The following CACNB2 variants were observed in gnomAD, a reference collection of about 807,000 sequenced individuals.
CACNB2 encodes calcium voltage-gated channel auxiliary subunit beta 2, also known as voltage-dependent L-type calcium channel subunit beta-2.
A neutral mutation model predicts 73.3 loss-of-function variants in CACNB2; 42 were observed. The observed-to-expected ratio is 0.57, with a 90% confidence interval of 0.45 to 0.74. The LOEUF (loss-of-function observed/expected upper bound fraction) is 0.74, where lower values mean the gene tolerates loss of function less well. Among genes scored for constraint, CACNB2 ranks in the 30% least tolerant of loss-of-function variants. The pLI, the probability that CACNB2 is intolerant of heterozygous loss-of-function variation, is 0.00. For synonymous variants in CACNB2, 348 were observed against 310.3 expected (o/e 1.12, Z -1.28); for missense variants, 940 against 853.0 (o/e 1.10, Z -1.27).
intron 3 of CACNB2, among the ~76,000 whole-genome samples, chr10:18,463,244 C>A (rs2047677997): frequency 6.6e-6 from 1 of 152,106 alleles, no homozygotes; most frequent in South Asian, 2.1e-4. Flanking sequence ...CTGTTCTTGG[C>A]CAGGCATGGT....
chr10:18,452,209 T>C (rs1428511191), intron 3 of CACNB2, among the ~76,000 whole-genome samples: 2 of 152,142 alleles, frequency 1.3e-5, no homozygotes, highest in Non-Finnish European at 2.9e-5. Context: ...GATTGCTTGA[T>C]GACAGATGCT....
chr10:18,346,687 C>A (rs775254916), intron 2 of CACNB2, among the ~76,000 whole-genome samples: 1 of 152,038 alleles, frequency 6.6e-6, no homozygotes, highest in Non-Finnish European at 1.5e-5. Context: ...ACCTCCGCCT[C>A]CCAGGCTCAA....
At chr10:18,325,031 A>AT (rs778287155) in intron 2 of CACNB2, among the ~76,000 whole-genome samples, 5 of 152,218 alleles carry the variant, frequency 3.3e-5, no homozygotes, top group Admixed American at 3.3e-4. Context: ...CTGCTCTGCT[A>AT]TTATTCTGCT....
intron 10 of CACNB2, among the ~76,000 whole-genome samples, chr10:18,529,401 T>C (rs2052777988): frequency 6.6e-6 from 1 of 152,094 alleles, no homozygotes; most frequent in African/African-American, 2.4e-5. Flanking sequence ...GGTGTAGCCA[T>C]AAGGCGAATC....
intron 3 of CACNB2, among the ~76,000 whole-genome samples, chr10:18,443,389 G>A (rs2046572682): frequency 6.6e-6 from 1 of 152,018 alleles, no homozygotes; most frequent in South Asian, 2.1e-4. Context: ...CTTCTGACAA[G>A]CAGGGGACTT....
intron 2 of CACNB2, among the ~76,000 whole-genome samples, chr10:18,243,513 G>A (rs2036741961): frequency 6.6e-6 from 1 of 152,186 alleles, no homozygotes; most frequent in Non-Finnish European, 1.5e-5. Flanking sequence ...CAAAACTCAT[G>A]TTGAAATTTG....
At chr10:18,414,505 T>G (rs78716950) in intron 3 of CACNB2, among the ~76,000 whole-genome samples, 1 of 142,526 alleles carries the variant, frequency 7.0e-6, no homozygotes, top group Admixed American at 7.0e-5. Flanking sequence ...TTTTTTTTTT[T>G]GGAGACAGAA....
chr10:18,406,823 G>A (rs937092758), intron 3 of CACNB2, among the ~76,000 whole-genome samples: 1 of 152,162 alleles, frequency 6.6e-6, no homozygotes, highest in South Asian at 2.1e-4. Context: ...TGCTGCCTTA[G>A]AGGATGGACA....
At chr10:18,496,549 A>G (rs1419565986) in intron 3 of CACNB2, among the ~76,000 whole-genome samples, 1 of 152,202 alleles carries the variant, frequency 6.6e-6, no homozygotes, top group Non-Finnish European at 1.5e-5. Context: ...GCGGTGGCTC[A>G]TGCCTATAAT....
intron 3 of CACNB2, among the ~76,000 whole-genome samples, chr10:18,456,339 T>C (rs1370917046): frequency 6.6e-6 from 1 of 152,116 alleles, no homozygotes; most frequent in East Asian, 1.9e-4. Context: ...GGTACACACC[T>C]GTAATCCCAG....
intron 2 of CACNB2, among the ~76,000 whole-genome samples, chr10:18,249,432 T>C (rs1199429600): frequency 6.6e-6 from 1 of 152,240 alleles, no homozygotes; most frequent in Non-Finnish European, 1.5e-5. Flanking sequence ...GCAGCTTTGT[T>C]TTCATTTTTC....
chr10:18,260,760 G>T, intron 2 of CACNB2: 2 of 1,000,024 alleles, frequency 2.0e-6, no homozygotes, highest in Non-Finnish European at 2.4e-6. Flanking sequence ...GCAGCCGCGG[G>T]AGCAGGAACA....
intron 2 of CACNB2, among the ~76,000 whole-genome samples, chr10:18,162,955 T>C (rs11598236): frequency 0.069 from 10,437 of 152,124 alleles, 468 homozygotes; most frequent in South Asian, 0.12. Context: ...TCTGGGTTCA[T>C]GGAGAAATGG....
At chr10:18,272,759 G>T (rs1588904417) in intron 2 of CACNB2, among the ~76,000 whole-genome samples, 1 of 152,230 alleles carries the variant, frequency 6.6e-6, no homozygotes, top group Non-Finnish European at 1.5e-5. Context: ...GCCGTTGATT[G>T]TGAGGCCTCC....
intron 2 of CACNB2, among the ~76,000 whole-genome samples, chr10:18,220,223 A>AGAGGGGGGGG (rs2035709862): frequency 1.9e-5 from 1 of 53,558 alleles, no homozygotes; most frequent in African/African-American, 1.4e-4. Context: ...ATATATATAT[A>AGAGGGGGGGG]TATATATATA....
chr10:18,523,613 G>T (rs1226877213), intron 9 of CACNB2, among the ~76,000 whole-genome samples: 1 of 152,146 alleles, frequency 6.6e-6, no homozygotes, highest in Admixed American at 6.5e-5. Flanking sequence ...AGGAAGAAAC[G>T]AGTCCATAAG....
At chr10:18,234,160 C>T (rs1194392352) in intron 2 of CACNB2, 1 of 152,358 alleles carries the variant, frequency 6.6e-6, no homozygotes, top group Non-Finnish European at 1.5e-5. Flanking sequence ...GGCTCTTCCA[C>T]CTTGGTCCGA....
At chr10:18,282,376 C>T (rs562518546) in intron 2 of CACNB2, among the ~76,000 whole-genome samples, 5 of 152,140 alleles carry the variant, frequency 3.3e-5, no homozygotes, top group South Asian at 4.1e-4. Context: ...CAGCCCCCTC[C>T]GTGTGTGAGC....
chr10:18,145,614 T>C (rs973863595), intron 1 of CACNB2, among the ~76,000 whole-genome samples: 2 of 152,348 alleles, frequency 1.3e-5, no homozygotes, highest in Non-Finnish European at 2.9e-5. Flanking sequence ...TTGAATTATA[T>C]AGCCTTGGCC....
Sources: gnomAD v4.1 joint callset for allele counts (sites outside exome capture counted in the v4.1 genomes callset) on GRCh38, gnomAD v4.1.1 for gene constraint, MANE v1.5 for transcripts, NCBI Gene and HGNC (gene_info 2026-07-23, HGNC 2026-07-21) for gene names.